Variants in TEAD2 observed in about 807,000 individuals in gnomAD.
TEAD2 encodes transcriptional enhancer factor TEF-4.
A neutral mutation model predicts 61.4 loss-of-function variants in TEAD2; 51 were observed. The observed-to-expected ratio is 0.83, with a 90% CI of 0.66 to 1.05. TEAD2 has a LOEUF of 1.05. Among genes scored for constraint, TEAD2 ranks in the 50% least tolerant of loss-of-function variants. The pLI, the probability that TEAD2 is intolerant of heterozygous loss-of-function variation, is 0.00. For synonymous variants in TEAD2, 244 were observed against 243.2 expected, an observed-to-expected ratio of 1.00 and a Z score of -0.03; for missense variants, 509 against 600.0, an observed-to-expected ratio of 0.85 and a Z score of 1.58.
At position 49,348,721 on chromosome 19, in the gene TEAD2, C is replaced by G; in HGVS notation, c.729G>C (p.Pro243=). The change falls in exon 9 of 13, where the codon CCG becomes CCC. Residue 243 remains proline (P), a synonymous_variant. Coordinates refer to ENST00000593945, the MANE Select transcript of TEAD2 (RefSeq NM_001256660.2). ...QLVEFSAFVE[P]PDAVDSYQRH... ...CACTCACAGAATCAACTGCATCTGGCGGTTCCACGAAGGCTGAGAACTCTA... is the reference window on the plus strand; with the variant it reads ...CACTCACAGAATCAACTGCATCTGGGGGTTCCACGAAGGCTGAGAACTCTA... The G allele has an allele frequency of 6.2e-7, 1 of 1,613,868 alleles. No individual in the cohort carries two copies. Among genetic ancestry groups the G allele is most frequent in the Non-Finnish European group, 8.5e-7 (1 of 1,179,872 alleles).
At position 49,359,591 on chromosome 19, in the gene TEAD2, C is replaced by A; in HGVS notation, c.233-92G>T. 6.9e-7 allele frequency: 1 copy of A among 1,447,346 alleles called. No individual in the cohort carries two copies. Among genetic ancestry groups the A allele is most frequent in the South Asian group, 1.2e-5 (1 of 85,888 alleles). 89.7% of individuals were successfully genotyped at this position (1,447,346 alleles called of 1,614,324 possible). Reference sequence around the variant, plus strand: ...CAGGGAAGAAGAAAGCAGCATGGGTCCCCAAAGGTCTGCAGCAAGTGGGCT... The same window carrying A: ...CAGGGAAGAAGAAAGCAGCATGGGTACCCAAAGGTCTGCAGCAAGTGGGCT... On this transcript the variant is annotated intron_variant, in intron 2 of 12. Transcript: ENST00000593945. The surrounding 1 kb of genome is among the most constrained non-coding windows in gnomAD (Gnocchi z 4.1).
chr19:49,350,624 C>T (rs6509428), intron 8 of TEAD2, among the ~76,000 whole-genome samples: 40,746 of 151,888 alleles, frequency 0.27, 5,739 homozygotes, highest in African/African-American at 0.34. Context: ...TGTGAGCCAC[C>T]GCACCTGCCT....
chr19:49,359,788 G>C lies in TEAD2; in HGVS notation c.232+56C>G. ...TACTTCAGAGTGCTCCATAAACCTT[G>C]GTTACTGTCATTATTCATCAGTGGG... On this transcript the variant is annotated intron_variant, in intron 2 of 12. Coordinates refer to ENST00000593945, the MANE Select transcript of TEAD2 (RefSeq NM_001256660.2). The surrounding 1 kb of genome is among the most constrained non-coding windows in gnomAD (Gnocchi z 4.1). The C allele has an allele frequency of 6.4e-7, 1 of 1,554,054 alleles. No individual in the cohort carries two copies.
intron 12 of TEAD2, among the ~76,000 whole-genome samples, chr19:49,342,160 C>G (rs1201914171): frequency 6.6e-6 from 1 of 151,998 alleles, no homozygotes; most frequent in Non-Finnish European, 1.5e-5. Flanking sequence ...CCACTGCACT[C>G]CAGCCTGGGC....
At position 49,343,340 on chromosome 19, in the gene TEAD2, C is replaced by T; in HGVS notation, c.980G>A (p.Ser327Asn). 1.2e-6 allele frequency: 2 copies of T among 1,613,846 alleles called. No individual in the cohort carries two copies. The highest frequency in any genetic ancestry group is 1.7e-6 in the Non-Finnish European group (2 of 1,179,978). Reference protein sequence around the residue: ...EEAGAGGSISSGGFYGVSSQY... With the variant: ...EEAGAGGSISNGGFYGVSSQY... ...GCTGCTCACTCCGTAGAAGCCACCA[C>T]TGCTGATGCTGCCACCGGCCCCTGC... The change falls in exon 11 of 13, where the codon AGT (serine) becomes AAT (asparagine). Residue 327 changes from serine to asparagine, a missense_variant. Coordinates refer to ENST00000593945, the MANE Select transcript of TEAD2 (RefSeq NM_001256660.2).
chr19:49,355,492 G>T (rs902755289), intron 5 of TEAD2, 73 bp from the exon 6 acceptor site: 1 of 1,322,140 alleles, frequency 7.6e-7, no homozygotes, highest in Non-Finnish European at 1.1e-6. Flanking sequence ...TGGTGCCAGG[G>T]TGGGGTGAAG....
chr19:49,343,846 C>CT (rs370633186), intron 10 of TEAD2, among the ~76,000 whole-genome samples: 3,883 of 109,406 alleles, frequency 0.035, 264 homozygotes, highest in African/African-American at 0.12. Context: ...GTTTGTTTGT[C>CT]TTTTTTTTTG....
rs771889759 is a variant in TEAD2, at chr19:49,340,665, C to T, written c.*659G>A. ...AACTTTGAGAGGGGAGGAAGGAAACCGTCTAGCTCAGGGCTCACTTAGGAG... is the reference window on the plus strand; with the variant it reads ...AACTTTGAGAGGGGAGGAAGGAAACTGTCTAGCTCAGGGCTCACTTAGGAG... On this transcript the variant is annotated 3_prime_UTR_variant, in exon 13 of 13. Transcript: ENST00000593945. 3 of 467,964 alleles carry T rather than the reference C, an allele frequency of 6.4e-6. No homozygotes were observed. Among genetic ancestry groups the T allele is most frequent in the Middle Eastern group, 6.3e-4 (1 of 1,588 alleles). 29.0% of individuals were successfully genotyped at this position (467,964 alleles called of 1,614,324 possible).
At position 49,359,570 on chromosome 19, in the gene TEAD2, G is replaced by A; in HGVS notation, c.233-71C>T. 6.4e-7 allele frequency: 1 copy of A among 1,552,768 alleles called. No homozygotes were observed. Among genetic ancestry groups the A allele is most frequent in the Non-Finnish European group, 8.9e-7 (1 of 1,125,176 alleles). On this transcript the variant is annotated intron_variant, in intron 2 of 12. Transcript: ENST00000593945. This position sits in a 1 kb window ranked among gnomAD's most constrained non-coding sequence, Gnocchi z 4.1. ...ACTTCCCCACAGCATGGACACCAGGGAAGAAGAAAGCAGCATGGGTCCCCA... is the reference window on the plus strand; with the variant it reads ...ACTTCCCCACAGCATGGACACCAGGAAAGAAGAAAGCAGCATGGGTCCCCA...
intron 7 of TEAD2, 66 bp downstream of exon 7, chr19:49,355,082 G>T: frequency 7.7e-7 from 1 of 1,295,370 alleles, no homozygotes; most frequent in Non-Finnish European, 1.1e-6. Flanking sequence ...AAGGTGGAGT[G>T]AGAAAGGTCT....
rs1282629650 is a variant in TEAD2 at position 49,347,172 on chromosome 19, T to C, written c.921+18A>G. The C allele has an allele frequency of 3.1e-6, 5 of 1,610,906 alleles. No homozygotes were observed. The African/African-American group carries it at 5.3e-5, about 17-fold the overall frequency. On this transcript the variant is annotated intron_variant, in intron 10 of 12. Transcript: ENST00000593945. ...CACAGGATTTGTGAGCACTTTTGAT[T>C]TTGCTGTGAGAACTCACCCAGAACT...
rs1232422722 is a variant in TEAD2, at chr19:49,355,179, C to T, written c.508G>A (p.Gly170Arg). 6.8e-6 allele frequency: 11 copies of T among 1,612,038 alleles called. No homozygotes were observed. Among genetic ancestry groups the T allele is most frequent in the South Asian group, 6.6e-5 (6 of 90,762 alleles). ...ACATTCCAGGGGGGCCCAGATCCTC[C>T]AGACCAAAACTGGAAAAGCTCAGAG... ...QASELFQFWS[G>R]GSGPPWNVPD... Residue 170 changes from glycine to arginine, a missense_variant, in exon 7 of 13, where the codon GGA (glycine) becomes AGA (arginine). Transcript: ENST00000593945.
Position 49,341,341 on chromosome 19 carries a change from G to T in TEAD2, c.1339C>A (p.Arg447Ser). The T allele has an allele frequency of 6.2e-7, 1 of 1,613,948 alleles. No homozygotes were observed. The highest frequency in any genetic ancestry group is 8.5e-7 in the Non-Finnish European group (1 of 1,179,906). Residue 447 changes from arginine (R) to serine (S), a missense_variant, in exon 13 of 13, where the codon CGC (arginine) becomes AGC (serine). Transcript: ENST00000593945. This position sits in a 1 kb window ranked among gnomAD's most constrained non-coding sequence, Gnocchi z 4.2. ...SERGAQHHIY[R>S]LVRD ...GTCCCCCTTCAGTCCCTGACCAGGCGGTAAATGTGATGCTGGGCCCCACGC... is the reference window on the plus strand; with the variant it reads ...GTCCCCCTTCAGTCCCTGACCAGGCTGTAAATGTGATGCTGGGCCCCACGC...
chr19:49,353,318 C>G lies in TEAD2; in HGVS notation c.539+1830G>C, dbSNP rs150786369. Among the ~76,000 whole-genome samples, 20 of 152,064 alleles carry G rather than the reference C, an allele frequency of 1.3e-4. No homozygotes were observed. In the East Asian group the frequency reaches 3.7e-3, roughly 28 times the overall value. On this transcript the variant is annotated intron_variant, in intron 7 of 12. Coordinates refer to ENST00000593945, the MANE Select transcript of TEAD2 (RefSeq NM_001256660.2). ...TTTACTATGCTGGACAGGCTGGTCTCGAACTCCTGACCTCAAGTGATCTGC... is the reference window on the plus strand; with the variant it reads ...TTTACTATGCTGGACAGGCTGGTCTGGAACTCCTGACCTCAAGTGATCTGC...
rs1971712344 is a variant in TEAD2, at chr19:49,347,278, A to G, written c.833T>C (p.Ile278Thr). The G allele has an allele frequency of 6.2e-7, 1 of 1,614,058 alleles. No homozygotes were observed. Reference protein sequence around the residue: ...PPLESVDVRQIYDKFPEKKGG... With the variant: ...PPLESVDVRQTYDKFPEKKGG... ...CTTTTTCTCAGGGAATTTGTCGTAG[A>G]TCTGCCGGACGTCCACACTCTCGAG... Residue 278 changes from isoleucine (I) to threonine (T), a missense_variant, in exon 10 of 13, where the codon ATC becomes ACC. Coordinates refer to ENST00000593945, the MANE Select transcript of TEAD2 (RefSeq NM_001256660.2).
chr19:49,361,166 G>A (rs111169105), intron 1 of TEAD2, among the ~76,000 whole-genome samples: 21,277 of 88,626 alleles, frequency 0.24, 2,890 homozygotes, highest in Non-Finnish European at 0.27. Context: ...GGGGGGGGGG[G>A]ACAGGGACCA....
Position 49,341,468 on chromosome 19 carries a change from G to A in TEAD2, c.1243-31C>T. 1.3e-6 allele frequency: 2 copies of A among 1,586,638 alleles called. No homozygotes were observed. Among genetic ancestry groups the A allele is most frequent in the Non-Finnish European group, 8.7e-7 (1 of 1,155,738 alleles). On this transcript the variant is annotated intron_variant, in intron 12 of 12. Transcript: ENST00000593945. This position sits in a 1 kb window ranked among gnomAD's most constrained non-coding sequence, Gnocchi z 4.2. ...AGGAAGGCCAGGACAAGGGACTTAT[G>A]CTTAGAAGGGAGGGCAGGGACCCCT...
chr19:49,354,983 C>T (rs1008850982), intron 7 of TEAD2, among the ~76,000 whole-genome samples, 165 bp downstream of exon 7: 4 of 151,990 alleles, frequency 2.6e-5, no homozygotes, highest in Admixed American at 6.6e-5. Context: ...GCCTGGGCAA[C>T]GGAGCAAGAC....
At chr19:49,349,663 T>C (rs890979228) in intron 8 of TEAD2, among the ~76,000 whole-genome samples, 16 of 152,140 alleles carry the variant, frequency 1.1e-4, no homozygotes, top group South Asian at 4.1e-4. Context: ...CCATGTGACA[T>C]AGTGGCTCCC....
Sources: allele counts gnomAD v4.1 joint callset (sites outside exome capture counted in the v4.1 genomes callset), GRCh38; gene constraint gnomAD v4.1.1; non-coding constraint Gnocchi (gnomAD v3.1); transcripts MANE v1.5; gene names NCBI Gene and HGNC (gene_info 2026-07-23, HGNC 2026-07-21).